CLUAP1: variants seen among roughly 807,000 people sequenced by gnomAD.
CLUAP1 encodes the protein clusterin-associated protein 1.
A neutral mutation model predicts 55.0 loss-of-function variants in CLUAP1; 50 were observed. That is an observed-to-expected ratio of 0.91 (90% confidence interval 0.72 to 1.15). CLUAP1 has a LOEUF of 1.15. Among genes scored for constraint, CLUAP1 ranks in the 50% most tolerant of loss-of-function variants. The probability of loss-of-function intolerance (pLI) is 0.00; values close to 1 mark genes in which losing one functional copy is unlikely to be tolerated. For synonymous variants in CLUAP1, 195 were observed against 175.4 expected (o/e 1.11, Z -0.88); for missense variants, 530 against 507.6 (o/e 1.04, Z -0.42).
chr16:3,524,412 C>T (rs1341666605), intron 8 of CLUAP1, among the ~76,000 whole-genome samples: 2 of 151,234 alleles, frequency 1.3e-5, no homozygotes, highest in Non-Finnish European at 2.9e-5. Context: ...TCAGCTTGTC[C>T]AACATGGTGA....
At chr16:3,497,943 C>T (rs78361342), upstream of CLUAP1, among the ~76,000 whole-genome samples, 2,126 of 152,164 alleles carry the variant, frequency 0.014, 24 homozygotes, top group East Asian at 0.04. Flanking sequence ...AGGTGTGAGC[C>T]GCCGTGCCCA....
intron 11 of CLUAP1, chr16:3,533,110 A>G: frequency 6.5e-7 from 1 of 1,536,108 alleles, no homozygotes; most frequent in Non-Finnish European, 8.7e-7. Context: ...TGGAAGCAGC[A>G]CCAGCTCTCT....
upstream of CLUAP1, among the ~76,000 whole-genome samples, chr16:3,499,401 GTT>G (rs1161866413): frequency 6.6e-6 from 1 of 152,220 alleles, no homozygotes; most frequent in African/African-American, 2.4e-5. Context: ...ATTGTCAAGA[GTT>G]TTTTGTTGTT....
At chr16:3,500,771 C>T (rs149954848), upstream of CLUAP1, among the ~76,000 whole-genome samples, 95 of 152,358 alleles carry the variant, frequency 6.2e-4, 1 homozygote, top group Admixed American at 5.8e-3. Context: ...ACCTGTCACC[C>T]AGCGCGAAAC....
In CLUAP1 at chr16:3,501,076, C is replaced by A; in HGVS notation, c.9C>A (p.Phe3Leu). 1 of 1,598,434 alleles carries A rather than the reference C, an allele frequency of 6.3e-7. No homozygotes were observed. Among genetic ancestry groups the A allele is most frequent in the South Asian group, 1.1e-5 (1 of 89,700 alleles). The change falls in exon 1 of 12, where the codon TTC (phenylalanine) becomes TTA (leucine). Residue 3 changes from phenylalanine to leucine, a missense_variant. By Grantham distance (22) the Phe-to-Leu change is conservative (BLOSUM62 0). Coordinates refer to ENST00000576634, the MANE Select transcript of CLUAP1 (RefSeq NM_015041.3). Reference protein sequence around the residue: MSFRDLRNFTEMM... With the variant: MSLRDLRNFTEMM... ...CTGGGGACCTGAGCGTTATGTCTTT[C>A]CGCGACCTCCGCAGTAAGGCAGCCC... is the stretch of plus-strand genomic sequence containing the variant.
intron 4 of CLUAP1, 67 bp from the exon 5 acceptor site, chr16:3,512,316 C>G: frequency 8.0e-7 from 1 of 1,247,466 alleles, no homozygotes; most frequent in South Asian, 1.2e-5. Context: ...GGTAACATAG[C>G]CAAGACCCTG....
intron 6 of CLUAP1, among the ~76,000 whole-genome samples, chr16:3,516,618 G>A (rs185715636): frequency 1.4e-4 from 21 of 152,294 alleles, no homozygotes; most frequent in Non-Finnish European, 2.6e-4. Context: ...TTGGTTAAAC[G>A]CATAGTTTTC....
the CLUAP1 span, among the ~76,000 whole-genome samples, chr16:3,495,824 G>T: frequency 3.9e-5 from 6 of 152,140 alleles, no homozygotes; most frequent in African/African-American, 1.4e-4. Context: ...GCTGAAAAGG[G>T]GCTGGGGGCG....
chr16:3,531,261 C>G (rs914229822), intron 10 of CLUAP1, among the ~76,000 whole-genome samples: 6 of 152,208 alleles, frequency 3.9e-5, no homozygotes, highest in Non-Finnish European at 8.8e-5. Context: ...TGGCTCACGC[C>G]TGTAATCCCA....
At chr16:3,509,437 C>T (rs925835987) in intron 4 of CLUAP1, among the ~76,000 whole-genome samples, 1 of 152,188 alleles carries the variant, frequency 6.6e-6, no homozygotes, top group Non-Finnish European at 1.5e-5. Context: ...AAGGGTTGCT[C>T]TGGCTGCTGA....
chr16:3,500,755 C>T (rs936540659), upstream of CLUAP1, among the ~76,000 whole-genome samples: 1 of 152,236 alleles, frequency 6.6e-6, no homozygotes, highest in African/African-American at 2.4e-5. Context: ...GTAGTAGGTA[C>T]TCAGAACCTG....
rs116486713 is a variant in CLUAP1, at chr16:3,502,925, C to T, written c.23-1795C>T. The stretch of plus-strand genomic sequence containing the variant: ...CAGCATTAACAGAACTTGACTAGTA[C>T]CTAGTGGTCAGGAGTATTTAGGCAG... On this transcript the variant is annotated intron_variant, in intron 1 of 11. Transcript: ENST00000576634. 3.9e-3 allele frequency among the ~76,000 whole-genome samples: 601 copies of T among 152,304 alleles called. 7 individuals are homozygous for T. Among genetic ancestry groups the T allele is most frequent in the African/African-American group, 0.014 (573 of 41,564 alleles).
chr16:3,500,087 C>T (rs2037357954), upstream of CLUAP1, among the ~76,000 whole-genome samples: 3 of 152,256 alleles, frequency 2.0e-5, no homozygotes, highest in Admixed American at 2.0e-4. Flanking sequence ...CCACGCCTGG[C>T]GGGGCATCTC....
intron 4 of CLUAP1, 72 bp from the exon 5 acceptor site, chr16:3,512,311 C>A: frequency 2.6e-6 from 3 of 1,175,978 alleles, no homozygotes; most frequent in Non-Finnish European, 3.8e-6. Flanking sequence ...GCCTGGGTAA[C>A]ATAGCCAAGA....
At chr16:3,519,676 C>G (rs1294447045) in intron 6 of CLUAP1, among the ~76,000 whole-genome samples, 1 of 152,126 alleles carries the variant, frequency 6.6e-6, no homozygotes, top group African/African-American at 2.4e-5. Flanking sequence ...GTAGAAATGC[C>G]TGCTTTTCAT....
chr16:3,501,132 G>A (rs1284864358), intron 1 of CLUAP1, 43 bp downstream of exon 1: 12 of 1,560,282 alleles, frequency 7.7e-6, no homozygotes, highest in Non-Finnish European at 8.6e-6. Context: ...GTCTTCCAGA[G>A]ATTCAGGGCT....
chr16:3,508,405 G>A lies in CLUAP1; in HGVS notation c.336G>A (p.Gly112=), dbSNP rs1256650912. 1.9e-6 allele frequency: 3 copies of A among 1,598,118 alleles called. No homozygotes were observed. Among genetic ancestry groups the A allele is most frequent in the Middle Eastern group, 1.7e-4 (1 of 6,036 alleles). The part of the protein sequence containing the change: ...SVLYNAMKTK[G]MEGSEIVEED... ...TTTATAATGCTATGAAGACCAAGGGGATGGAGGGCTCTGAAATAGTAGAGG... is the reference window on the plus strand; with the variant it reads ...TTTATAATGCTATGAAGACCAAGGGAATGGAGGGCTCTGAAATAGTAGAGG... Residue 112 remains glycine, a synonymous_variant, in exon 4 of 12, where the codon GGG becomes GGA. Transcript: ENST00000576634.
chr16:3,524,339 C>T (rs1308224755), intron 8 of CLUAP1, among the ~76,000 whole-genome samples: 2 of 147,840 alleles, frequency 1.4e-5, no homozygotes, highest in Non-Finnish European at 1.5e-5. Context: ...CGGTGGCTCA[C>T]GCCTGTAATC....
upstream of CLUAP1, among the ~76,000 whole-genome samples, chr16:3,498,743 C>G (rs921747877): frequency 1.3e-5 from 2 of 151,962 alleles, no homozygotes; most frequent in African/African-American, 4.8e-5. Flanking sequence ...GCCTGTAGTC[C>G]CAGCTACTTG....
Sources: allele counts gnomAD v4.1 joint callset (sites outside exome capture counted in the v4.1 genomes callset), GRCh38; gene constraint gnomAD v4.1.1; transcripts MANE v1.5; gene names NCBI Gene and HGNC (gene_info 2026-07-23, HGNC 2026-07-21).